Variants in VTCN1 observed in about 807,000 individuals in gnomAD.
VTCN1 encodes the protein V-set domain containing T cell activation inhibitor 1.
A neutral mutation model predicts 26.5 loss-of-function variants in VTCN1; 26 were observed. That is an observed-to-expected ratio of 0.98 (90% CI 0.72 to 1.36). The LOEUF is 1.36. VTCN1 is among the 40% of genes most tolerant of loss of function. The probability of loss-of-function intolerance (pLI) is 0.00; values close to 1 mark genes in which losing one functional copy is unlikely to be tolerated. For missense variants in VTCN1, 298 were observed against 337.7 expected (o/e 0.88, Z 0.92); for synonymous variants, 116 against 130.7 (o/e 0.89, Z 0.77).
Position 117,170,087 on chromosome 1 carries a change from T to C in VTCN1, c.97+20A>G, listed in dbSNP as rs1652824041. ...ATGGTGAGGGGTGAATAGATTGTAG[T>C]AATGCAAGAAATCACATACCTGAAA... On this transcript the variant is annotated intron_variant, in intron 2 of 5. Coordinates refer to ENST00000369458, the MANE Select transcript of VTCN1 (RefSeq NM_024626.4). 4 of 1,607,936 alleles carry C rather than the reference T, an allele frequency of 2.5e-6. No individual in the cohort carries two copies. The highest frequency in any genetic ancestry group is 1.1e-5 in the South Asian group (1 of 90,922).
chr1:117,189,516 C>A (rs560781339), intron 1 of VTCN1, among the ~76,000 whole-genome samples: 1 of 152,190 alleles, frequency 6.6e-6, no homozygotes, highest in Non-Finnish European at 1.5e-5. Flanking sequence ...GAACAGATGA[C>A]CTGCTTTACC....
At chr1:117,158,990 C>A (rs1264076827) in intron 2 of VTCN1, among the ~76,000 whole-genome samples, 1 of 152,204 alleles carries the variant, frequency 6.6e-6, no homozygotes, top group East Asian at 1.9e-4. Flanking sequence ...TCTGAGACCA[C>A]TTCAGTCTGG....
Position 117,204,152 on chromosome 1 carries a change from T to C in VTCN1, c.32+6672A>G, listed in dbSNP as rs137874328. ...TCCTCTCCCTCCCTGCAAGTCTCTG[T>C]TTTTCTGCAAAAACATCGGAGGGAA... is the stretch of plus-strand genomic sequence containing the variant. On this transcript the variant is annotated intron_variant, in intron 1 of 5. Coordinates refer to ENST00000369458, the MANE Select transcript of VTCN1 (RefSeq NM_024626.4). Among the ~76,000 whole-genome samples the C allele has an allele frequency of 2.6e-4, 40 of 152,278 alleles. No homozygotes were observed. In the East Asian group the frequency reaches 6.7e-3, roughly 26 times the overall value.
chr1:117,205,176 A>AGAG (rs1553214082), intron 1 of VTCN1, among the ~76,000 whole-genome samples: 1 of 148,778 alleles, frequency 6.7e-6, no homozygotes, highest in Non-Finnish European at 1.5e-5. Context: ...AGAGAGAGAG[A>AGAG]GGGGGGTCTC....
At chr1:117,206,657 C>G (rs1649086941) in intron 1 of VTCN1, among the ~76,000 whole-genome samples, 1 of 23,682 alleles carries the variant, frequency 4.2e-5, no homozygotes, top group Non-Finnish European at 1.6e-4. Context: ...GGCACAGGAA[C>G]AGATATTCAT....
chr1:117,202,221 A>T (rs1033407450), intron 1 of VTCN1, among the ~76,000 whole-genome samples: 23 of 152,212 alleles, frequency 1.5e-4, no homozygotes, highest in Non-Finnish European at 2.1e-4. Context: ...CATCAAATAT[A>T]GGAAATGGAT....
At chr1:117,149,053 C>T (rs1195281323) in intron 4 of VTCN1, among the ~76,000 whole-genome samples, 1 of 152,180 alleles carries the variant, frequency 6.6e-6, no homozygotes, top group Non-Finnish European at 1.5e-5. Flanking sequence ...CTTGTTCTCT[C>T]AGGAAGAGTG....
At chr1:117,158,917 C>T (rs556189383) in intron 2 of VTCN1, among the ~76,000 whole-genome samples, 2 of 152,324 alleles carry the variant, frequency 1.3e-5, no homozygotes, top group East Asian at 1.9e-4. Flanking sequence ...CATCATCAGT[C>T]TCTTTGTTAA....
intron 1 of VTCN1, among the ~76,000 whole-genome samples, chr1:117,196,695 TG>T (rs1648530342): frequency 6.6e-6 from 1 of 152,196 alleles, no homozygotes; most frequent in Non-Finnish European, 1.5e-5. Flanking sequence ...AATACTTTCC[TG>T]GGTTAGTGGT....
chr1:117,181,840 G>A (rs1005920679), intron 1 of VTCN1, among the ~76,000 whole-genome samples: 3 of 152,152 alleles, frequency 2.0e-5, no homozygotes, highest in East Asian at 1.9e-4. Flanking sequence ...ATCAGTCAGC[G>A]TGGTCATCAG....
intron 4 of VTCN1, among the ~76,000 whole-genome samples, chr1:117,151,265 A>T (rs1045489382): frequency 6.7e-6 from 1 of 148,554 alleles, no homozygotes; most frequent in African/African-American, 2.5e-5. Flanking sequence ...TTGTTCCTTC[A>T]GATGTTCAGA....
At chr1:117,168,699 G>A (rs999332650) in intron 2 of VTCN1, among the ~76,000 whole-genome samples, 1 of 152,112 alleles carries the variant, frequency 6.6e-6, no homozygotes, top group African/African-American at 2.4e-5. Flanking sequence ...AAATCAAAAA[G>A]AGAAAGACAA....
chr1:117,202,235 AGGGTTAT>A (rs1377460094), intron 1 of VTCN1, among the ~76,000 whole-genome samples: 3 of 152,210 alleles, frequency 2.0e-5, no homozygotes, highest in African/African-American at 7.2e-5. Flanking sequence ...AATGGATGAA[AGGGTTAT>A]GTCCTTGTAC....
rs902462884 is a variant in VTCN1 at position 117,146,460 on chromosome 1, C to T, written c.*45+1153G>A. Among the ~76,000 whole-genome samples, 1 of 152,158 alleles carries T rather than the reference C, an allele frequency of 6.6e-6. No individual in the cohort carries two copies. Reference sequence around the variant, plus strand: ...GCAATGTAGGCAAGGAATACATGTACCCTGGAGAGTGTAAGACATAAATCA... The same window carrying T: ...GCAATGTAGGCAAGGAATACATGTATCCTGGAGAGTGTAAGACATAAATCA... On this transcript the variant is annotated intron_variant, in intron 5 of 5. Transcript: ENST00000369458. The surrounding 1 kb of genome is among the most constrained non-coding windows in gnomAD (Gnocchi z 4.2).
At chr1:117,192,437 T>C (rs1648291921) in intron 1 of VTCN1, among the ~76,000 whole-genome samples, 1 of 152,040 alleles carries the variant, frequency 6.6e-6, no homozygotes, top group Non-Finnish European at 1.5e-5. Context: ...AGTAACAATA[T>C]GAAAGCATAT....
chr1:117,163,281 T>C (rs1246770956), intron 2 of VTCN1, among the ~76,000 whole-genome samples: 3 of 152,200 alleles, frequency 2.0e-5, no homozygotes, highest in African/African-American at 4.8e-5. Context: ...CTGCCACTTA[T>C]TGGATATGTG....
chr1:117,191,198 C>T (rs1347010570), intron 1 of VTCN1, among the ~76,000 whole-genome samples: 2 of 152,124 alleles, frequency 1.3e-5, no homozygotes, highest in Non-Finnish European at 2.9e-5. Flanking sequence ...AACTTAAATA[C>T]AGGTCATTTG....
intron 1 of VTCN1, among the ~76,000 whole-genome samples, chr1:117,202,885 G>C (rs1297355862): frequency 6.6e-6 from 1 of 152,224 alleles, no homozygotes; most frequent in Non-Finnish European, 1.5e-5. Flanking sequence ...AGGAAAAAAA[G>C]AGAGATGGGG....
At chr1:117,178,287 C>T (rs1647477730) in intron 1 of VTCN1, among the ~76,000 whole-genome samples, 2 of 140,982 alleles carry the variant, frequency 1.4e-5, no homozygotes, top group Non-Finnish European at 3.0e-5. Context: ...GATGGAGTCT[C>T]TCTCTGTGAC....
Sources: gnomAD v4.1 joint callset for allele counts (sites outside exome capture counted in the v4.1 genomes callset) on GRCh38, gnomAD v4.1.1 for gene constraint, Gnocchi (gnomAD v3.1) non-coding constraint, MANE v1.5 for transcripts, NCBI Gene and HGNC (gene_info 2026-07-23, HGNC 2026-07-21) for gene names.